Variants in STAT4 observed in about 807,000 individuals in gnomAD.
The protein encoded by STAT4 is signal transducer and activator of transcription 4.
STAT4 carries 42 observed loss-of-function variants against 110.5 expected under a neutral mutation model. The observed-to-expected ratio is 0.38, with a 90% CI of 0.30 to 0.49. The LOEUF (loss-of-function observed/expected upper bound fraction) is 0.49, where lower values mean the gene tolerates loss of function less well. STAT4 is among the 20% of genes least tolerant of loss of function. The probability of loss-of-function intolerance (pLI) is 0.95; values close to 1 mark genes in which losing one functional copy is unlikely to be tolerated. For synonymous variants in STAT4, 284 were observed against 302.2 expected, an observed-to-expected ratio of 0.94 and a Z score of 0.63; for missense variants, 632 against 887.9, an observed-to-expected ratio of 0.71 and a Z score of 3.66.
chr2:191,148,486 C>T (rs1699511996), intron 1 of STAT4, among the ~76,000 whole-genome samples: 1 of 152,076 alleles, frequency 6.6e-6, no homozygotes, highest in African/African-American at 2.4e-5. Context: ...CACATCCTGC[C>T]CACAGCTGTC....
chr2:191,132,240 C>A (rs1207585292), intron 3 of STAT4, among the ~76,000 whole-genome samples: 2 of 151,752 alleles, frequency 1.3e-5, no homozygotes, highest in Non-Finnish European at 2.9e-5. Flanking sequence ...TCACTCCTAA[C>A]TGCAAACAAA....
intron 5 of STAT4, among the ~76,000 whole-genome samples, chr2:191,071,211 G>C (rs1220247333): frequency 6.6e-6 from 1 of 152,082 alleles, no homozygotes; most frequent in Non-Finnish European, 1.5e-5. Context: ...GGAAACTGAG[G>C]CCCAAAGTCA....
Position 191,030,955 on chromosome 2 carries a change from A to G in STAT4, c.2220+17T>C, listed in dbSNP as rs752106586. ...GGAAACACCTTTGACCAGCAATGGAAAATAAAGGGAACATACTGCAGTTTC... is the reference window on the plus strand; with the variant it reads ...GGAAACACCTTTGACCAGCAATGGAGAATAAAGGGAACATACTGCAGTTTC... On this transcript the variant is annotated intron_variant, in intron 23 of 23. Transcript: ENST00000392320. The surrounding 1 kb of genome is among the most constrained non-coding windows in gnomAD (Gnocchi z 4.4). 6.2e-7 allele frequency: 1 copy of G among 1,609,650 alleles called. No individual in the cohort carries two copies. The highest frequency in any genetic ancestry group is 8.5e-7 in the Non-Finnish European group (1 of 1,176,032).
intron 3 of STAT4, among the ~76,000 whole-genome samples, chr2:191,115,159 C>A (rs192892968): frequency 1.3e-5 from 2 of 152,104 alleles, no homozygotes; most frequent in East Asian, 3.9e-4. Context: ...ATTGGGAATC[C>A]AAAGTTGAAA....
At position 191,140,248 on chromosome 2, in the gene STAT4, G is replaced by A. The variant is rs1699285751; in HGVS notation, c.273+6365C>T. Among the ~76,000 whole-genome samples the A allele has an allele frequency of 6.6e-6, 1 of 152,072 alleles. No individual in the cohort carries two copies. ...AACAAAAACAAAGATAAATAGATGGGACCTAATTAACTAAAAAGCTTCTGC... is the reference window on the plus strand; with the variant it reads ...AACAAAAACAAAGATAAATAGATGGAACCTAATTAACTAAAAAGCTTCTGC... On this transcript the variant is annotated intron_variant, in intron 3 of 23. Coordinates refer to ENST00000392320, the MANE Select transcript of STAT4 (RefSeq NM_003151.4). The surrounding 1 kb of genome is among the most constrained non-coding windows in gnomAD (Gnocchi z 4.4).
intron 6 of STAT4, chr2:191,068,386 C>A (rs1205569426): frequency 6.6e-6 from 1 of 152,080 alleles, no homozygotes; most frequent in African/African-American, 2.4e-5. Context: ...CATGTTTGTG[C>A]CATTTCTTCT....
intron 3 of STAT4, among the ~76,000 whole-genome samples, chr2:191,139,652 CA>C (rs1699269990): frequency 1.3e-5 from 2 of 152,128 alleles, no homozygotes; most frequent in Admixed American, 1.3e-4. Context: ...TGGGAAGAAT[CA>C]ATATTGTGAA....
chr2:191,080,513 T>C (rs1697433042), intron 3 of STAT4, among the ~76,000 whole-genome samples: 1 of 152,186 alleles, frequency 6.6e-6, no homozygotes, highest in Non-Finnish European at 1.5e-5. Context: ...GTTTTGATGC[T>C]GGCACTTTCT....
chr2:191,070,483 C>T (rs1697115663), intron 5 of STAT4, among the ~76,000 whole-genome samples: 1 of 152,148 alleles, frequency 6.6e-6, no homozygotes, highest in Non-Finnish European at 1.5e-5. Context: ...CTCAGGTGCT[C>T]AGTGAGAAGT....
rs2125192994 is a variant in STAT4 at position 191,050,279 on chromosome 2, G to A, written c.1251+4211C>T. On this transcript the variant is annotated intron_variant, in intron 14 of 23. Coordinates refer to ENST00000392320, the MANE Select transcript of STAT4 (RefSeq NM_003151.4). The surrounding 1 kb of genome is among the most constrained non-coding windows in gnomAD (Gnocchi z 4.3). Reference sequence around the variant, plus strand: ...ACCTCCAGGGAAAGGTTGCTTCCTGGGAATGTTTATTTTACAGGAACAGAT... The same window carrying A: ...ACCTCCAGGGAAAGGTTGCTTCCTGAGAATGTTTATTTTACAGGAACAGAT... Among the ~76,000 whole-genome samples the A allele has an allele frequency of 6.6e-6, 1 of 152,260 alleles. No homozygotes were observed. The highest frequency in any genetic ancestry group is 2.1e-4 in the South Asian group (1 of 4,830).
At position 191,066,421 on chromosome 2, in the gene STAT4, T is replaced by G. The variant is rs2125241415; in HGVS notation, c.630+9A>C. 2 of 1,611,838 alleles carry G rather than the reference T, an allele frequency of 1.2e-6. No homozygotes were observed. The highest frequency in any genetic ancestry group is 2.2e-5 in the East Asian group (1 of 44,806). On this transcript the variant is annotated intron_variant, in intron 7 of 23. Transcript: ENST00000392320. This position sits in a 1 kb window ranked among gnomAD's most constrained non-coding sequence, Gnocchi z 4.3. ...TAGGCAAAAGCCCAAATTAAAATTC[T>G]TCACTAACCTTTCTCTTGAAATCGA...
At chr2:191,118,589 A>G (rs1294057759) in intron 3 of STAT4, among the ~76,000 whole-genome samples, 1 of 152,158 alleles carries the variant, frequency 6.6e-6, no homozygotes, top group Non-Finnish European at 1.5e-5. Context: ...AGATACTTCA[A>G]TTTATTTAAT....
chr2:191,134,310 T>C lies in STAT4; in HGVS notation c.273+12303A>G, dbSNP rs117640365. On this transcript the variant is annotated intron_variant, in intron 3 of 23. Coordinates refer to ENST00000392320, the MANE Select transcript of STAT4 (RefSeq NM_003151.4). Reference sequence around the variant, plus strand: ...CCATGCCATACTGCCTGCCCGGGGGTCCAAGAACCCACACACCTGCCTGGC... The same window carrying C: ...CCATGCCATACTGCCTGCCCGGGGGCCCAAGAACCCACACACCTGCCTGGC... Among the ~76,000 whole-genome samples, 550 of 151,938 alleles carry C rather than the reference T, an allele frequency of 3.6e-3. 20 individuals carry two copies. In the East Asian group the frequency reaches 0.093, roughly 26 times the overall value.
rs1272203099 is a variant in STAT4 at position 191,110,882 on chromosome 2, C to G, written c.274-34557G>C. Among the ~76,000 whole-genome samples, 2 of 152,128 alleles carry G rather than the reference C, an allele frequency of 1.3e-5. No homozygotes were observed. Among genetic ancestry groups the G allele is most frequent in the East Asian group, 3.8e-4 (2 of 5,200 alleles). ...CACTGCAACCTCTGCCTCCTGGGTT[C>G]AAGCGATTCCCCTGCCTCAGCCTCC... On this transcript the variant is annotated intron_variant, in intron 3 of 23. Transcript: ENST00000392320. The surrounding 1 kb of genome is among the most constrained non-coding windows in gnomAD (Gnocchi z 4.5).
chr2:191,086,576 T>TG lies in STAT4; in HGVS notation c.274-10252dup, dbSNP rs1296157774. ...GCTATGATGTTGTCTTTAGTAAAAT[T>TG]GGGGGATTGGAAAGAGAAAAATTAT... On this transcript the variant is annotated intron_variant, in intron 3 of 23. Coordinates refer to ENST00000392320, the MANE Select transcript of STAT4 (RefSeq NM_003151.4). The surrounding 1 kb of genome is among the most constrained non-coding windows in gnomAD (Gnocchi z 5.5). Among the ~76,000 whole-genome samples, 1 of 152,146 alleles carries TG rather than the reference T, an allele frequency of 6.6e-6. No homozygotes were observed. The highest frequency in any genetic ancestry group is 2.4e-5 in the African/African-American group (1 of 41,434).
At chr2:191,141,499 A>G (rs943996843) in intron 3 of STAT4, among the ~76,000 whole-genome samples, 1 of 126,242 alleles carries the variant, frequency 7.9e-6, no homozygotes, top group African/African-American at 2.9e-5. Context: ...TATGTATATC[A>G]CATATATACA....
At chr2:191,119,003 T>A (rs1258877071) in intron 3 of STAT4, among the ~76,000 whole-genome samples, 1 of 152,192 alleles carries the variant, frequency 6.6e-6, no homozygotes, top group Non-Finnish European at 1.5e-5. Context: ...TGGCCTCAAG[T>A]AATCCTCCTA....
rs1333743072 is a variant in STAT4, at chr2:191,033,463, C to A, written c.1852+27G>T. 1.9e-6 allele frequency: 3 copies of A among 1,582,038 alleles called. No homozygotes were observed. Among genetic ancestry groups the A allele is most frequent in the East Asian group, 4.5e-5 (2 of 44,620 alleles). Reference sequence around the variant, plus strand: ...ACCAAATTTAAGAAAACTAATTTCACATGAATAAACATTAGTGAGTATATA... The same window carrying A: ...ACCAAATTTAAGAAAACTAATTTCAAATGAATAAACATTAGTGAGTATATA... On this transcript the variant is annotated intron_variant, in intron 20 of 23. Coordinates refer to ENST00000392320, the MANE Select transcript of STAT4 (RefSeq NM_003151.4). The surrounding 1 kb of genome is among the most constrained non-coding windows in gnomAD (Gnocchi z 6.9).
intron 6 of STAT4, among the ~76,000 whole-genome samples, chr2:191,069,243 G>C (rs925687859): frequency 5.4e-4 from 82 of 151,850 alleles, no homozygotes; most frequent in African/African-American, 1.9e-3. Context: ...CTATATTTTA[G>C]GCTTTCTCCT....
Sources: allele counts gnomAD v4.1 joint callset (sites outside exome capture counted in the v4.1 genomes callset), GRCh38; gene constraint gnomAD v4.1.1; non-coding constraint Gnocchi (gnomAD v3.1); transcripts MANE v1.5; gene names NCBI Gene and HGNC (gene_info 2026-07-23, HGNC 2026-07-21).